Variants in CDON observed in about 807,000 individuals in gnomAD.
CDON encodes cell adhesion associated, oncogene regulated, also known as cell adhesion molecule-related/down-regulated by oncogenes.
CDON carries 73 observed loss-of-function variants against 120.9 expected under a neutral mutation model. The observed-to-expected ratio is 0.60, with a 90% CI of 0.50 to 0.73. CDON has a LOEUF of 0.73. CDON is among the 30% of genes least tolerant of loss of function. CDON has a pLI of 0.00. For synonymous variants in CDON, 566 were observed against 573.5 expected (o/e 0.99, Z 0.19); for missense variants, 1,470 against 1,587.3 (o/e 0.93, Z 1.26).
Position 126,034,538 on chromosome 11 carries a change from TA to T in CDON, c.-61-11002del, listed in dbSNP as rs150950960. ...GTTCTATTCACAATATTTGTGTGTT[TA>T]AAAAAAAAAGTCAAGTGTTCCTGTT... On this transcript the variant is annotated intron_variant, in intron 1 of 19. Transcript: ENST00000531738. The surrounding 1 kb of genome is among the most constrained non-coding windows in gnomAD (Gnocchi z 4.5). 6.0e-5 allele frequency among the ~76,000 whole-genome samples: 9 copies of T among 148,764 alleles called. No homozygotes were observed. The highest frequency in any genetic ancestry group is 2.0e-4 in the Admixed American group (3 of 14,906).
At chr11:126,060,013 C>A (rs1273431548) in intron 1 of CDON, among the ~76,000 whole-genome samples, 1 of 151,382 alleles carries the variant, frequency 6.6e-6, no homozygotes, top group Non-Finnish European at 1.5e-5. Flanking sequence ...ATATTCCATA[C>A]ACCATCCCTT....
chr11:126,004,242 T>C (rs567779288), intron 9 of CDON, 166 bp from the exon 10 acceptor site: 49 of 718,686 alleles, frequency 6.8e-5, no homozygotes, highest in African/African-American at 3.5e-4. Flanking sequence ...TATTAAGAAA[T>C]AGAAGATCTG....
chr11:126,038,131 G>C (rs565354845), intron 1 of CDON, among the ~76,000 whole-genome samples: 15 of 152,118 alleles, frequency 9.9e-5, no homozygotes, highest in Non-Finnish European at 1.9e-4. Context: ...AAAACAGTAG[G>C]AGACGTGAAG....
Position 125,958,730 on chromosome 11 carries a change from A to AG in CDON, c.*2211dup, listed in dbSNP as rs1437088841. On this transcript the variant is annotated 3_prime_UTR_variant, in exon 20 of 20. Transcript: ENST00000531738. ...CACAATGAGATTGTCCTAAAGGTAA[A>AG]GCCATTTTCTCTTCCTCGTGGACAG... 6.6e-6 allele frequency: 1 copy of AG among 152,538 alleles called. No individual in the cohort carries two copies. The highest frequency in any genetic ancestry group is 2.4e-5 in the African/African-American group (1 of 41,420). 9.4% of individuals were successfully genotyped at this position (152,538 alleles called of 1,614,324 possible). A position where few individuals can be genotyped will look rare whatever the true frequency, so the allele number is the denominator to read the frequency against.
Position 126,021,291 on chromosome 11 carries a change from G to A in CDON, c.306C>T (p.Ser102=). The A allele has an allele frequency of 1.2e-6, 2 of 1,614,152 alleles. No individual in the cohort carries two copies. The highest frequency in any genetic ancestry group is 8.5e-7 in the Non-Finnish European group (1 of 1,179,996). Residue 102 remains serine (S), a synonymous_variant, in exon 3 of 20, where the codon AGC becomes AGT. Coordinates refer to ENST00000531738, the MANE Select transcript of CDON (RefSeq NM_001378964.1). ...CAGGGCCACTCACAATGGCACCGAT[G>A]CTATTGTTGGCAAGGCACTGGTAGT... The part of the protein sequence containing the change: ...LGYYQCLANN[S]IGAIVSGPAT...
rs1948051290 is a variant in CDON, at chr11:126,034,855, G to GA, written c.-61-11319dup. ...TTTGTCACTGGAATTGGCTTTATGG[G>GA]AAAAAATAACCGTTATGGTAACCAC... On this transcript the variant is annotated intron_variant, in intron 1 of 19. Transcript: ENST00000531738. This position sits in a 1 kb window ranked among gnomAD's most constrained non-coding sequence, Gnocchi z 4.5. 6.6e-6 allele frequency among the ~76,000 whole-genome samples: 1 copy of GA among 152,118 alleles called. No individual in the cohort carries two copies. The highest frequency in any genetic ancestry group is 2.1e-4 in the South Asian group (1 of 4,816).
At chr11:125,981,965 ATTTTCTTTTTTTTTTTTTTT>A (rs1946319819) in intron 16 of CDON, among the ~76,000 whole-genome samples, 1 of 34,428 alleles carries the variant, frequency 2.9e-5, no homozygotes, top group African/African-American at 8.2e-5. Context: ...AAGTGATTCT[ATTTTCTTTTTTTTTTTTTTT>A]TTTTTTTTTT....
rs778328251 is a variant in CDON, at chr11:126,010,307, A to C, written c.1552+34T>G. On this transcript the variant is annotated intron_variant, in intron 8 of 19. Transcript: ENST00000531738. ...TTATCTTCTATTATAAAAGGAAATT[A>C]CTCAACTAAAAATAAATAATAATGG... is the stretch of plus-strand genomic sequence containing the variant. 74 of 1,349,836 alleles carry C rather than the reference A, an allele frequency of 5.5e-5. 1 individual carries two copies. The highest frequency in any genetic ancestry group is 7.2e-6 in the Non-Finnish European group (7 of 969,654). 83.6% of individuals were successfully genotyped at this position (1,349,836 alleles called of 1,614,324 possible). A position where few individuals can be genotyped will look rare whatever the true frequency, so the allele number is the denominator to read the frequency against.
intron 17 of CDON, among the ~76,000 whole-genome samples, chr11:125,980,682 T>A (rs771366819): frequency 3.3e-5 from 5 of 152,208 alleles, no homozygotes; most frequent in Admixed American, 6.5e-5. Flanking sequence ...CACAATTTCC[T>A]GATCTGCCTG....
At chr11:126,051,848 G>A (rs1031972103) in intron 1 of CDON, among the ~76,000 whole-genome samples, 6 of 151,566 alleles carry the variant, frequency 4.0e-5, no homozygotes, top group African/African-American at 7.3e-5. Flanking sequence ...AGGGTTTCAC[G>A]ATGTTGGCCA....
rs1555140424 is a variant in CDON, at chr11:126,050,535, C to CAAAA, written c.-62+12040_-62+12043dup. Among the ~76,000 whole-genome samples the CAAAA allele has an allele frequency of 1.4e-5, 2 of 138,994 alleles. 1 individual carries two copies. The highest frequency in any genetic ancestry group is 4.5e-4 in the South Asian group (2 of 4,410). The allele number at this position is 138,994 out of a possible 152,430, so 91.2% of individuals were successfully genotyped here. A position where few individuals can be genotyped will look rare whatever the true frequency, so the allele number is the denominator to read the frequency against. ...ACACACACACACACACACACACAAA[C>CAAAA]AAAAAAAAGTCTGTAAAATACTCCA... is the stretch of plus-strand genomic sequence containing the variant. On this transcript the variant is annotated intron_variant, in intron 1 of 19. Transcript: ENST00000531738.
At chr11:125,999,848 G>A (rs1353271863) in intron 11 of CDON, among the ~76,000 whole-genome samples, 1 of 152,158 alleles carries the variant, frequency 6.6e-6, no homozygotes, top group African/African-American at 2.4e-5. Context: ...CAACTTTGAA[G>A]CATATCACAC....
intron 1 of CDON, among the ~76,000 whole-genome samples, chr11:126,032,247 C>G (rs1947963079): frequency 6.6e-6 from 1 of 151,712 alleles, no homozygotes; most frequent in Non-Finnish European, 1.5e-5. Flanking sequence ...GTGAAGACTT[C>G]TCAGAGGAAA....
chr11:125,980,638 G>C (rs973203399), intron 17 of CDON, among the ~76,000 whole-genome samples: 1 of 152,148 alleles, frequency 6.6e-6, no homozygotes, highest in African/African-American at 2.4e-5. Context: ...TGCTCTCCAG[G>C]TGGCCATCGC....
intron 5 of CDON, 28 bp downstream of exon 5, chr11:126,018,302 A>C (rs1947530541): frequency 6.2e-7 from 1 of 1,609,094 alleles, no homozygotes; most frequent in African/African-American, 1.3e-5. Context: ...TTCCTCTTCC[A>C]GTTACCATTA....
Position 126,018,327 on chromosome 11 carries a change from T to C in CDON, c.640+3A>G, listed in dbSNP as rs756585227. 1 of 1,613,396 alleles carries C rather than the reference T, an allele frequency of 6.2e-7. No homozygotes were observed. Among genetic ancestry groups the C allele is most frequent in the Non-Finnish European group, 8.5e-7 (1 of 1,179,712 alleles). On this transcript the variant is annotated splice_donor_region_variant and intron_variant, in intron 5 of 19. Coordinates refer to ENST00000531738, the MANE Select transcript of CDON (RefSeq NM_001378964.1). ...AGTTACCATTATTCTCCCAAATACT[T>C]ACGACTCACAAGGAGCTTTCGGCCA...
At chr11:126,049,801 G>T (rs1236889977) in intron 1 of CDON, among the ~76,000 whole-genome samples, 1 of 152,106 alleles carries the variant, frequency 6.6e-6, no homozygotes, top group East Asian at 1.9e-4. Context: ...TGGGTGCAGG[G>T]GCACCATGGA....
At chr11:125,972,540 TC>T (rs1220930700) in intron 18 of CDON, among the ~76,000 whole-genome samples, 3 of 151,954 alleles carry the variant, frequency 2.0e-5, no homozygotes, top group Admixed American at 6.6e-5. Context: ...AACTACAACT[TC>T]CCCACAGATC....
At chr11:126,008,147 A>G (rs1015769675) in intron 8 of CDON, among the ~76,000 whole-genome samples, 9 of 152,188 alleles carry the variant, frequency 5.9e-5, no homozygotes, top group African/African-American at 1.7e-4. Context: ...TTTAAAGAGT[A>G]CCACACACTC....
Sources: gnomAD v4.1 joint callset for allele counts (sites outside exome capture counted in the v4.1 genomes callset) on GRCh38, gnomAD v4.1.1 for gene constraint, Gnocchi (gnomAD v3.1) non-coding constraint, MANE v1.5 for transcripts, NCBI Gene and HGNC (gene_info 2026-07-23, HGNC 2026-07-21) for gene names.